SRSF4: variants seen among roughly 807,000 people sequenced by gnomAD.
SRSF4 encodes serine/arginine-rich splicing factor 4.
In SRSF4, 12 loss-of-function variants were observed where a neutral mutation model predicts 48.8. The ratio of observed to expected loss-of-function variants is 0.25; its 90% CI spans 0.16 to 0.40. The LOEUF (loss-of-function observed/expected upper bound fraction) is 0.40. Among genes scored for constraint, SRSF4 ranks in the 10% least tolerant of loss-of-function variants. SRSF4 has a pLI of 1.00. For missense variants in SRSF4, 466 were observed against 667.1 expected, an observed-to-expected ratio of 0.70 and a Z score of 3.32; for synonymous variants, 248 against 232.5, an observed-to-expected ratio of 1.07 and a Z score of -0.61.
At chr1:29,149,253 G>T (rs1391362662) in intron 5 of SRSF4, 27 bp from the exon 6 acceptor site, 2 of 1,598,400 alleles carry the variant, frequency 1.3e-6, no homozygotes, top group Non-Finnish European at 1.7e-6. Context: ...TACTGTTTGT[G>T]TCACATGTGA....
chr1:29,158,997 C>A (rs1672550214), intron 3 of SRSF4, among the ~76,000 whole-genome samples: 1 of 152,038 alleles, frequency 6.6e-6, no homozygotes, highest in African/African-American at 2.4e-5. Flanking sequence ...ATCCCAGCTA[C>A]TCAGGAAGCT....
At chr1:29,149,809 A>G (rs1672378287) in intron 5 of SRSF4, among the ~76,000 whole-genome samples, 1 of 151,832 alleles carries the variant, frequency 6.6e-6, no homozygotes, top group African/African-American at 2.4e-5. Flanking sequence ...TGGGAGGACT[A>G]TTTGAGGTCA....
chr1:29,176,430 G>GT (rs1178313714), intron 1 of SRSF4, among the ~76,000 whole-genome samples: 1 of 151,402 alleles, frequency 6.6e-6, no homozygotes, highest in Non-Finnish European at 1.5e-5. Flanking sequence ...TAAGAATACG[G>GT]TAACGATGAA....
At chr1:29,167,391 TTTTG>T (rs1432400396) in intron 1 of SRSF4, among the ~76,000 whole-genome samples, 3 of 142,538 alleles carry the variant, frequency 2.1e-5, no homozygotes, top group Non-Finnish European at 4.4e-5. Context: ...CGCTTTTTGT[TTTTG>T]TTTTTTTGAG....
At chr1:29,161,380 A>G (rs552577579) in intron 1 of SRSF4, among the ~76,000 whole-genome samples, 1 of 96,768 alleles carries the variant, frequency 1.0e-5, no homozygotes, top group South Asian at 2.6e-4. Context: ...CTTTGTGACC[A>G]TTGCCTATAT....
rs116998340 is a variant in SRSF4 at position 29,162,037 on chromosome 1, G to T, written c.108-1520C>A. 6.8e-4 allele frequency among the ~76,000 whole-genome samples: 104 copies of T among 152,240 alleles called. No homozygotes were observed. In the East Asian group the frequency reaches 0.014, roughly 21 times the overall value. On this transcript the variant is annotated intron_variant, in intron 1 of 5. Transcript: ENST00000373795. Reference sequence around the variant, plus strand: ...CAATGTGCTAGGTTACAATGTGTAGGTAACAACGTTGGAGGGTTTTTTATG... The same window carrying T: ...CAATGTGCTAGGTTACAATGTGTAGTTAACAACGTTGGAGGGTTTTTTATG...
Position 29,148,197 on chromosome 1 carries a change from T to G in SRSF4, c.*213A>C. The G allele has an allele frequency of 1.4e-6, 1 of 740,424 alleles. No individual in the cohort carries two copies. Among genetic ancestry groups the G allele is most frequent in the Non-Finnish European group, 2.3e-6 (1 of 426,142 alleles). 45.9% of individuals were successfully genotyped at this position (740,424 alleles called of 1,614,324 possible). On this transcript the variant is annotated 3_prime_UTR_variant, in exon 6 of 6. Transcript: ENST00000373795. ...ACTGTGGGCCATGAGTAAAAGGGGATTTTCAAAGAGAAAATTTTTTTCAGT... is the reference window on the plus strand; with the variant it reads ...ACTGTGGGCCATGAGTAAAAGGGGAGTTTCAAAGAGAAAATTTTTTTCAGT...
chr1:29,152,750 C>T (rs1475868878), intron 4 of SRSF4, among the ~76,000 whole-genome samples: 1 of 151,968 alleles, frequency 6.6e-6, no homozygotes, highest in Non-Finnish European at 1.5e-5. Context: ...GAAACTCTGT[C>T]TCTACTAAAA....
chr1:29,149,199 G>GCTCCGT lies in SRSF4; in HGVS notation c.695_696insACGGAG (p.Lys231_Ser232insArgArg). 6.2e-7 allele frequency: 1 copy of GCTCCGT among 1,609,552 alleles called. No individual in the cohort carries two copies. The highest frequency in any genetic ancestry group is 1.1e-5 in the South Asian group (1 of 91,032). ...GGCTCCGACTCTGGCTCCGGCTCCG[G>GCTCCGT]CTCTTGCTCCGGGAGCGGGAGCCCG... On this transcript the variant is annotated inframe_insertion, in exon 6 of 6. Transcript: ENST00000373795.
chr1:29,181,830 A>T lies in SRSF4; in HGVS notation c.-78T>A. On this transcript the variant is annotated 5_prime_UTR_variant, in exon 1 of 6. Transcript: ENST00000373795. ...GCGGGCAAAGCGAGAGCACGGCGGC[A>T]GCGGCGGCGGCGGCAACGGGCGGGC... is the stretch of plus-strand genomic sequence containing the variant. 1 of 1,248,012 alleles carries T rather than the reference A, an allele frequency of 8.0e-7. No individual in the cohort carries two copies. The highest frequency in any genetic ancestry group is 1.0e-6 in the Non-Finnish European group (1 of 961,662). The allele number at this position is 1,248,012 out of a possible 1,614,324, so 77.3% of individuals were successfully genotyped here. A position where few individuals can be genotyped will look rare whatever the true frequency, so the allele number is the denominator to read the frequency against.
In SRSF4 at chr1:29,149,689, A is replaced by G. The variant is rs202007258; in HGVS notation, c.668+414T>C. 5.0e-3 allele frequency among the ~76,000 whole-genome samples: 405 copies of G among 81,140 alleles called. 1 individual carries two copies. Among genetic ancestry groups the G allele is most frequent in the Middle Eastern group, 0.016 (3 of 184 alleles). 53.2% of individuals were successfully genotyped at this position (81,140 alleles called of 152,430 possible). A position where few individuals can be genotyped will look rare whatever the true frequency, so the allele number is the denominator to read the frequency against. Reference sequence around the variant, plus strand: ...GAGCGAGACTCTGTCTTGAGGGGGGAAAAAAAAAAAAAAAAAGAAAAAGAA... The same window carrying G: ...GAGCGAGACTCTGTCTTGAGGGGGGGAAAAAAAAAAAAAAAAGAAAAAGAA... On this transcript the variant is annotated intron_variant, in intron 5 of 5. Transcript: ENST00000373795.
chr1:29,175,530 C>G (rs1309095167), intron 1 of SRSF4, among the ~76,000 whole-genome samples: 2 of 149,040 alleles, frequency 1.3e-5, no homozygotes, highest in Non-Finnish European at 3.0e-5. Flanking sequence ...CCCGTCTCTA[C>G]TAAAAATACA....
At chr1:29,181,426 C>A (rs950868126) in intron 1 of SRSF4, among the ~76,000 whole-genome samples, 5 of 152,174 alleles carry the variant, frequency 3.3e-5, no homozygotes, top group Non-Finnish European at 7.3e-5. Context: ...CCACTCAGGG[C>A]CTCAGCACAG....
Position 29,148,768 on chromosome 1 carries a change from C to A in SRSF4, c.1127G>T (p.Arg376Met), listed in dbSNP as rs1174457008. The A allele has an allele frequency of 6.2e-7, 1 of 1,613,508 alleles. No individual in the cohort carries two copies. The highest frequency in any genetic ancestry group is 1.3e-5 in the African/African-American group (1 of 74,896). ...SRSRSRSKSERSRKRGSKRDS... is the reference protein window; with the variant it reads ...SRSRSRSKSEMSRKRGSKRDS... ...TCGCTTGCTGCCTCGCTTTCTGCTC[C>A]TCTCACTCTTGCTGCGGCTGCGACT... The change falls in exon 6 of 6, where the codon AGG becomes ATG. Residue 376 changes from arginine to methionine, a missense_variant. This residue lies in a region of SRSF4 where 402 missense variants were observed against 437.0 expected (regional missense o/e 0.92). Coordinates refer to ENST00000373795, the MANE Select transcript of SRSF4 (RefSeq NM_005626.5).
chr1:29,166,556 C>T (rs901770634), intron 1 of SRSF4, among the ~76,000 whole-genome samples: 1 of 152,224 alleles, frequency 6.6e-6, no homozygotes, highest in Non-Finnish European at 1.5e-5. Context: ...ACTTTCCTGG[C>T]AACAGAGGGT....
chr1:29,170,473 G>T (rs979970635), intron 1 of SRSF4: 9 of 152,260 alleles, frequency 5.9e-5, no homozygotes, highest in African/African-American at 2.2e-4. Flanking sequence ...CTTCATTAAA[G>T]ATGATGCCTC....
intron 1 of SRSF4, among the ~76,000 whole-genome samples, chr1:29,161,288 T>A (rs1558389712): frequency 6.6e-6 from 1 of 152,256 alleles, no homozygotes; most frequent in East Asian, 1.9e-4. Flanking sequence ...AAGATACTTA[T>A]AAGCAAGGTT....
intron 3 of SRSF4, among the ~76,000 whole-genome samples, chr1:29,156,895 T>C (rs1558388456): frequency 6.6e-6 from 1 of 152,182 alleles, no homozygotes. Flanking sequence ...CACTATTTAC[T>C]GAGTACAATC....
intron 1 of SRSF4, among the ~76,000 whole-genome samples, chr1:29,176,836 A>C (rs1329636009): frequency 1.3e-5 from 2 of 152,254 alleles, no homozygotes; most frequent in African/African-American, 4.8e-5. Flanking sequence ...CTGAAAATTC[A>C]GGCTATTCAT....
Sources: allele counts gnomAD v4.1 joint callset (sites outside exome capture counted in the v4.1 genomes callset), GRCh38; gene constraint gnomAD v4.1.1; regional missense constraint gnomAD v4.1.1; transcripts MANE v1.5; gene names NCBI Gene and HGNC (gene_info 2026-07-23, HGNC 2026-07-21).